The following FLRT2 variants were observed in gnomAD, a reference collection of about 807,000 sequenced individuals.
FLRT2 encodes the protein fibronectin leucine rich transmembrane protein 2, also known as leucine-rich repeat transmembrane protein FLRT2.
In FLRT2, 15 loss-of-function variants were observed where a neutral mutation model predicts 40.0. The ratio of observed to expected loss-of-function variants is 0.38; its 90% confidence interval spans 0.25 to 0.58. The LOEUF is 0.58. Ranked by LOEUF, FLRT2 falls within the 20% of genes least tolerant of loss-of-function variation. The pLI, the probability that FLRT2 is intolerant of heterozygous loss-of-function variation, is 0.71. For synonymous variants in FLRT2, 380 were observed against 336.8 expected (o/e 1.13, Z -1.41); for missense variants, 726 against 840.0 (o/e 0.86, Z 1.68).
rs1389177775 is a variant in FLRT2 at position 85,551,938 on chromosome 14, A to G, written c.-377+21404A>G. Among the ~76,000 whole-genome samples the G allele has an allele frequency of 2.0e-5, 3 of 152,196 alleles. No individual in the cohort carries two copies. In the East Asian group the frequency reaches 5.8e-4, roughly 29 times the overall value. ...TTCTAGATTTCCAGAGAGGAAAATGAACTACCAAAGGTCATGTCCCTTTCT... is the reference window on the plus strand; with the variant it reads ...TTCTAGATTTCCAGAGAGGAAAATGGACTACCAAAGGTCATGTCCCTTTCT... On this transcript the variant is annotated intron_variant, in intron 1 of 1. Transcript: ENST00000330753.
rs752778670 is a variant in FLRT2 at position 85,650,138 on chromosome 14, T to C, written c.*26641T>C. On this transcript the variant is annotated 3_prime_UTR_variant, in exon 2 of 2. Transcript: ENST00000330753. The stretch of plus-strand genomic sequence containing the variant: ...TTTGCTTTGTCAAATACTTACTACG[T>C]TCATATGTATTGATGTACAGTATAG... 6.6e-6 allele frequency: 1 copy of C among 152,056 alleles called. No individual in the cohort carries two copies. The highest frequency in any genetic ancestry group is 1.9e-4 in the East Asian group (1 of 5,200). The allele number at this position is 152,056 out of a possible 1,614,324, so 9.4% of individuals were successfully genotyped here. A position where few individuals can be genotyped will look rare whatever the true frequency, so the allele number is the denominator to read the frequency against.
rs1251468574 is a variant in FLRT2, at chr14:85,636,409, C to CAAAAAAAAAAAAAAAAAAAAAAAAAAAA, written c.*12918_*12919insAAAAAAAAAAAAAAAAAAAAAAAAAAAA. 2 of 84,928 alleles carry CAAAAAAAAAAAAAAAAAAAAAAAAAAAA rather than the reference C, an allele frequency of 2.4e-5. No homozygotes were observed. The highest frequency in any genetic ancestry group is 1.4e-4 in the Admixed American group (1 of 7,074). 5.3% of individuals were successfully genotyped at this position (84,928 alleles called of 1,614,324 possible). ...CCTGCAGAAAAAAAAAAAAAAAAAA[C>CAAAAAAAAAAAAAAAAAAAAAAAAAAAA]AAAAAACATTCTTATTAATCTTAAC... On this transcript the variant is annotated 3_prime_UTR_variant, in exon 2 of 2. Coordinates refer to ENST00000330753, the MANE Select transcript of FLRT2 (RefSeq NM_013231.6).
In FLRT2 at chr14:85,635,503, TA is replaced by T. The variant is rs966730347; in HGVS notation, c.*12012del. The stretch of plus-strand genomic sequence containing the variant: ...AGAGTGTCGTACAATAAAAATTGTA[TA>T]AAAAATTGTTTATTAAAATATTAAA... On this transcript the variant is annotated 3_prime_UTR_variant, in exon 2 of 2. Transcript: ENST00000330753. 21 of 152,188 alleles carry T rather than the reference TA, an allele frequency of 1.4e-4. No homozygotes were observed. Among genetic ancestry groups the T allele is most frequent in the South Asian group, 8.3e-4 (4 of 4,832 alleles). 9.4% of individuals were successfully genotyped at this position (152,188 alleles called of 1,614,324 possible).
rs976530460 is a variant in FLRT2 at position 85,647,780 on chromosome 14, C to T, written c.*24283C>T. On this transcript the variant is annotated 3_prime_UTR_variant, in exon 2 of 2. Transcript: ENST00000330753. ...TATCGCAACCACATACAGGCAGAACCACTAAGAGTAAAAACCCCTCAGGAA... is the reference window on the plus strand; with the variant it reads ...TATCGCAACCACATACAGGCAGAACTACTAAGAGTAAAAACCCCTCAGGAA... 3 of 152,102 alleles carry T rather than the reference C, an allele frequency of 2.0e-5. No homozygotes were observed. The highest frequency in any genetic ancestry group is 4.8e-5 in the African/African-American group (2 of 41,426). The allele number at this position is 152,102 out of a possible 1,614,324, so 9.4% of individuals were successfully genotyped here. A position where few individuals can be genotyped will look rare whatever the true frequency, so the allele number is the denominator to read the frequency against.
rs949322848 is a variant in FLRT2, at chr14:85,652,224, T to A, written c.*28727T>A. 2 of 152,168 alleles carry A rather than the reference T, an allele frequency of 1.3e-5. No homozygotes were observed. Among genetic ancestry groups the A allele is most frequent in the Non-Finnish European group, 2.9e-5 (2 of 67,990 alleles). 9.4% of individuals were successfully genotyped at this position (152,168 alleles called of 1,614,324 possible). A position where few individuals can be genotyped will look rare whatever the true frequency, so the allele number is the denominator to read the frequency against. On this transcript the variant is annotated 3_prime_UTR_variant, in exon 2 of 2. Transcript: ENST00000330753. ...TTAATGACCTTATTAGCTCAGATGA[T>A]GTTTTAATGATTTGAGTTTATGTAT... is the stretch of plus-strand genomic sequence containing the variant.
chr14:85,641,099 GAAAACC>G lies in FLRT2; in HGVS notation c.*17603_*17608del, dbSNP rs1894138489. On this transcript the variant is annotated 3_prime_UTR_variant, in exon 2 of 2. Transcript: ENST00000330753. ...TATTTAGTCTATGACTTATTTCTGCGAAAACCCACGAAAGTGAAAACTAACAATAGA... is the reference window on the plus strand; with the variant it reads ...TATTTAGTCTATGACTTATTTCTGCGCACGAAAGTGAAAACTAACAATAGA... 1 of 152,152 alleles carries G rather than the reference GAAAACC, an allele frequency of 6.6e-6. No individual in the cohort carries two copies. Among genetic ancestry groups the G allele is most frequent in the South Asian group, 2.1e-4 (1 of 4,820 alleles). The allele number at this position is 152,152 out of a possible 1,614,324, so 9.4% of individuals were successfully genotyped here.
At chr14:85,603,280 A>G (rs1189585524) in intron 1 of FLRT2, among the ~76,000 whole-genome samples, 1 of 152,140 alleles carries the variant, frequency 6.6e-6, no homozygotes, top group African/African-American at 2.4e-5. Context: ...AGAACAGTAG[A>G]TAGAGGCCCC....
chr14:85,622,503 C>G lies in FLRT2; in HGVS notation c.989C>G (p.Ser330Ter). The G allele has an allele frequency of 6.2e-7, 1 of 1,614,120 alleles. No individual in the cohort carries two copies. The highest frequency in any genetic ancestry group is 8.5e-7 in the Non-Finnish European group (1 of 1,180,046). Residue 330 changes from serine (S) to a stop codon, truncating the protein, a stop_gained, in exon 2 of 2, where the codon TCA becomes TGA. Coordinates refer to ENST00000330753, the MANE Select transcript of FLRT2 (RefSeq NM_013231.6). LOFTEE classifies it high-confidence loss of function. ...WVTEWLKYIPSSLNVRGFMCQ... is the reference protein window; with the variant it reads ...WVTEWLKYIP Reference sequence around the variant, plus strand: ...ACAGAATGGCTCAAATATATCCCTTCATCTCTCAACGTGCGGGGTTTCATG... The same window carrying G: ...ACAGAATGGCTCAAATATATCCCTTGATCTCTCAACGTGCGGGGTTTCATG...
chr14:85,607,134 T>G (rs1320101017), intron 1 of FLRT2, among the ~76,000 whole-genome samples: 1 of 152,096 alleles, frequency 6.6e-6, no homozygotes, highest in Non-Finnish European at 1.5e-5. Flanking sequence ...TGGGAATGCA[T>G]GATCTATTGG....
intron 1 of FLRT2, among the ~76,000 whole-genome samples, chr14:85,615,113 C>T (rs1294854633): frequency 6.6e-6 from 1 of 152,158 alleles, no homozygotes. Context: ...ATCCAAACAC[C>T]GTGCAGGCAG....
At chr14:85,598,660 T>TACCAAA (rs1595069450) in intron 1 of FLRT2, among the ~76,000 whole-genome samples, 1 of 152,216 alleles carries the variant, frequency 6.6e-6, no homozygotes, top group East Asian at 1.9e-4. Flanking sequence ...ATTTTCGAGC[T>TACCAAA]GAAGGAAACC....
At chr14:85,610,790 T>G (rs1892823174) in intron 1 of FLRT2, among the ~76,000 whole-genome samples, 1 of 152,244 alleles carries the variant, frequency 6.6e-6, no homozygotes, top group Non-Finnish European at 1.5e-5. Context: ...CTGCCATATT[T>G]AAATCTACCT....
rs758384996 is a variant in FLRT2 at position 85,641,038 on chromosome 14, A to G, written c.*17541A>G. On this transcript the variant is annotated 3_prime_UTR_variant, in exon 2 of 2. Coordinates refer to ENST00000330753, the MANE Select transcript of FLRT2 (RefSeq NM_013231.6). The stretch of plus-strand genomic sequence containing the variant: ...ACTACATCTAGTGCATTTCTCCATA[A>G]TGTGGGTGGCAATTATTCTAATCCC... 2.6e-5 allele frequency: 4 copies of G among 152,186 alleles called. No homozygotes were observed. The highest frequency in any genetic ancestry group is 5.9e-5 in the Non-Finnish European group (4 of 68,034). The allele number at this position is 152,186 out of a possible 1,614,324, so 9.4% of individuals were successfully genotyped here.
chr14:85,619,253 T>G (rs2139365710), intron 1 of FLRT2, among the ~76,000 whole-genome samples: 1 of 152,032 alleles, frequency 6.6e-6, no homozygotes, highest in South Asian at 2.1e-4. Context: ...CTGGCTAATT[T>G]TTCTAATTTT....
intron 1 of FLRT2, among the ~76,000 whole-genome samples, chr14:85,605,906 T>TC (rs1892588955): frequency 1.3e-5 from 2 of 152,178 alleles, no homozygotes; most frequent in South Asian, 4.1e-4. Context: ...TATTATTTTC[T>TC]CCCCCAAATA....
rs142314531 is a variant in FLRT2 at position 85,641,527 on chromosome 14, A to G, written c.*18030A>G. On this transcript the variant is annotated 3_prime_UTR_variant, in exon 2 of 2. Coordinates refer to ENST00000330753, the MANE Select transcript of FLRT2 (RefSeq NM_013231.6). Reference sequence around the variant, plus strand: ...TGTGAATAGCAGCAGGAGAGACCTGATTTCTGGATAAGGACTACAGTAGTA... The same window carrying G: ...TGTGAATAGCAGCAGGAGAGACCTGGTTTCTGGATAAGGACTACAGTAGTA... 2.0e-5 allele frequency: 3 copies of G among 152,324 alleles called. No homozygotes were observed. Among genetic ancestry groups the G allele is most frequent in the African/African-American group, 7.2e-5 (3 of 41,574 alleles). 9.4% of individuals were successfully genotyped at this position (152,324 alleles called of 1,614,324 possible).
chr14:85,593,047 T>G (rs1891972806), intron 1 of FLRT2, among the ~76,000 whole-genome samples: 1 of 152,216 alleles, frequency 6.6e-6, no homozygotes, highest in Non-Finnish European at 1.5e-5. Flanking sequence ...CTTCATCTAC[T>G]GTACACTAAT....
Position 85,653,139 on chromosome 14 carries a change from T to A in FLRT2, c.*29642T>A, listed in dbSNP as rs563742243. 95 of 152,316 alleles carry A rather than the reference T, an allele frequency of 6.2e-4. 1 individual carries two copies. The highest frequency in any genetic ancestry group is 2.2e-3 in the African/African-American group (91 of 41,580). The allele number at this position is 152,316 out of a possible 1,614,324, so 9.4% of individuals were successfully genotyped here. Reference sequence around the variant, plus strand: ...GCATCTGAAGTCAGAACACCTTTTCTTTTTAAACATTTTCAATTTGTGATC... The same window carrying A: ...GCATCTGAAGTCAGAACACCTTTTCATTTTAAACATTTTCAATTTGTGATC... On this transcript the variant is annotated 3_prime_UTR_variant, in exon 2 of 2. Transcript: ENST00000330753.
rs1288437441 is a variant in FLRT2 at position 85,650,924 on chromosome 14, G to A, written c.*27427G>A. The A allele has an allele frequency of 6.6e-6, 1 of 151,868 alleles. No homozygotes were observed. The highest frequency in any genetic ancestry group is 1.5e-5 in the Non-Finnish European group (1 of 67,980). The allele number at this position is 151,868 out of a possible 1,614,324, so 9.4% of individuals were successfully genotyped here. A position where few individuals can be genotyped will look rare whatever the true frequency, so the allele number is the denominator to read the frequency against. On this transcript the variant is annotated 3_prime_UTR_variant, in exon 2 of 2. Coordinates refer to ENST00000330753, the MANE Select transcript of FLRT2 (RefSeq NM_013231.6). ...TGCAGTAGCACGATCTTAGCTTACT[G>A]TAGACTCCAACTCCTGGGCTCAAGA... is the stretch of plus-strand genomic sequence containing the variant.
Sources: allele counts gnomAD v4.1 joint callset (sites outside exome capture counted in the v4.1 genomes callset), GRCh38; gene constraint gnomAD v4.1.1; transcripts MANE v1.5; gene names NCBI Gene and HGNC (gene_info 2026-07-23, HGNC 2026-07-21).